FAM184B: variants seen among roughly 807,000 people sequenced by gnomAD.
FAM184B encodes family with sequence similarity 184 member B.
A neutral mutation model predicts 135.9 loss-of-function variants in FAM184B; 111 were observed. That is an observed-to-expected ratio of 0.82 (90% confidence interval 0.70 to 0.96). FAM184B has a LOEUF of 0.96. Ranked by LOEUF, FAM184B falls within the 40% of genes least tolerant of loss-of-function variation. The pLI, the probability that FAM184B is intolerant of heterozygous loss-of-function variation, is 0.00. For synonymous variants in FAM184B, 552 were observed against 524.8 expected (o/e 1.05, Z -0.71); for missense variants, 1,375 against 1,323.9 (o/e 1.04, Z -0.60).
At position 17,629,722 on chromosome 4, in the gene FAM184B, C is replaced by G. The variant is rs1470570696; in HGVS notation, c.*2810G>C. On this transcript the variant is annotated 3_prime_UTR_variant, in exon 18 of 18. Coordinates refer to ENST00000265018, the MANE Select transcript of FAM184B (RefSeq NM_015688.2). ...CACCTCTACGCCATCACTGTCATCT[C>G]TAGACCGCTCTGCTGTTGAGAGATT... 1.3e-5 allele frequency: 2 copies of G among 152,180 alleles called. No homozygotes were observed. Among genetic ancestry groups the G allele is most frequent in the South Asian group, 2.1e-4 (1 of 4,838 alleles). 9.4% of individuals were successfully genotyped at this position (152,180 alleles called of 1,614,324 possible). A position where few individuals can be genotyped will look rare whatever the true frequency, so the allele number is the denominator to read the frequency against.
At chr4:17,633,591 C>A in intron 17 of FAM184B, 98 bp downstream of exon 17, 1 of 1,150,344 alleles carries the variant, frequency 8.7e-7, no homozygotes, top group East Asian at 2.9e-5. Flanking sequence ...GAAAAAAGGC[C>A]TTCTGGAATT....
intron 7 of FAM184B, among the ~76,000 whole-genome samples, chr4:17,669,534 A>G (rs1716124391): frequency 6.6e-6 from 1 of 152,252 alleles, no homozygotes; most frequent in South Asian, 2.1e-4. Context: ...ATTTTGTTCA[A>G]TAGAAAGCAC....
chr4:17,659,898 T>G, intron 9 of FAM184B, 60 bp downstream of exon 9: 1 of 1,537,550 alleles, frequency 6.5e-7, no homozygotes, highest in Non-Finnish European at 8.8e-7. Context: ...TTTCCAAGTT[T>G]GTAAAAAGGA....
chr4:17,689,108 C>T (rs1485097076), intron 6 of FAM184B, among the ~76,000 whole-genome samples: 1 of 152,156 alleles, frequency 6.6e-6, no homozygotes, highest in South Asian at 2.1e-4. Flanking sequence ...TTTCTATACT[C>T]GATCTGTAGG....
At chr4:17,665,690 G>T (rs994448138) in intron 7 of FAM184B, among the ~76,000 whole-genome samples, 1 of 152,174 alleles carries the variant, frequency 6.6e-6, no homozygotes, top group African/African-American at 2.4e-5. Context: ...ATCCACCCTT[G>T]ATCTGGAACA....
At chr4:17,773,525 TCTC>T (rs970119235) in intron 1 of FAM184B, among the ~76,000 whole-genome samples, 23 of 152,190 alleles carry the variant, frequency 1.5e-4, no homozygotes, top group African/African-American at 5.5e-4. Context: ...GGTATCTGCT[TCTC>T]CTGTGTGTGG....
At position 17,633,727 on chromosome 4, in the gene FAM184B, G is replaced by A. The variant is rs1394873377; in HGVS notation, c.3051C>T (p.Tyr1017=). The part of the protein sequence containing the change: ...LDPSPSCGRT[Y]KPNQSTDAKT... ...TTGCATCTGTAGACTGGTTGGGTTT[G>A]TAGGTCCGGCCACAGCTGGGGCTTG... Residue 1017 remains tyrosine, a synonymous_variant, in exon 17 of 18, where the codon TAC becomes TAT. Coordinates refer to ENST00000265018, the MANE Select transcript of FAM184B (RefSeq NM_015688.2). 1.9e-6 allele frequency: 3 copies of A among 1,549,256 alleles called. No individual in the cohort carries two copies. Among genetic ancestry groups the A allele is most frequent in the Admixed American group, 3.9e-5 (2 of 50,686 alleles).
At chr4:17,670,406 A>G (rs1716142737) in intron 7 of FAM184B, among the ~76,000 whole-genome samples, 1 of 152,236 alleles carries the variant, frequency 6.6e-6, no homozygotes, top group Non-Finnish European at 1.5e-5. Context: ...TTAAAGCAAC[A>G]TGAATAATGG....
rs138165255 is a variant in FAM184B, at chr4:17,664,795, T to C, written c.1597-136A>G. On this transcript the variant is annotated intron_variant, in intron 7 of 17. Transcript: ENST00000265018. ...CCCCAGCAACCCACTATCGGTGCCC[T>C]GCTTGCAGGGGATGCCAAGGCTTGT... 341 of 658,702 alleles carry C rather than the reference T, an allele frequency of 5.2e-4. 1 individual carries two copies. Among genetic ancestry groups the C allele is most frequent in the African/African-American group, 5.0e-3 (277 of 54,944 alleles). 40.8% of individuals were successfully genotyped at this position (658,702 alleles called of 1,614,324 possible).
intron 7 of FAM184B, among the ~76,000 whole-genome samples, chr4:17,673,184 A>G (rs1220708952): frequency 1.3e-5 from 2 of 152,096 alleles, no homozygotes; most frequent in African/African-American, 4.8e-5. Context: ...AAAAGCTCAA[A>G]ATCACTAATT....
chr4:17,781,357 C>G lies in FAM184B; in HGVS notation c.-58G>C. The G allele has an allele frequency of 7.0e-7, 1 of 1,429,536 alleles. No individual in the cohort carries two copies. Among genetic ancestry groups the G allele is most frequent in the East Asian group, 2.9e-5 (1 of 34,914 alleles). 88.6% of individuals were successfully genotyped at this position (1,429,536 alleles called of 1,614,324 possible). A position where few individuals can be genotyped will look rare whatever the true frequency, so the allele number is the denominator to read the frequency against. On this transcript the variant is annotated 5_prime_UTR_variant, in exon 1 of 18. Transcript: ENST00000265018. This position sits in a 1 kb window ranked among gnomAD's most constrained non-coding sequence, Gnocchi z 6.5. ...GTTTTCTCCCTGCCCACCGTGTGCA[C>G]GTGCGTGCGCGCGCGGGCGTGCGAG... is the stretch of plus-strand genomic sequence containing the variant.
In FAM184B at chr4:17,705,053, C is replaced by G. The variant is rs983487469; in HGVS notation, c.1324G>C (p.Glu442Gln). The G allele has an allele frequency of 1.3e-6, 2 of 1,551,628 alleles. No homozygotes were observed. Among genetic ancestry groups the G allele is most frequent in the African/African-American group, 2.7e-5 (2 of 73,048 alleles). ...LEDLVKKHTV[E>Q]IKSVRSSVEA... ...ACGGACGAGCGAACGGATTTGATTT[C>G]CACGGTGTGCTTCTTTACCAAGTCT... The change falls in exon 5 of 18, where the codon GAA becomes CAA. Residue 442 changes from glutamate to glutamine, a missense_variant. Transcript: ENST00000265018.
At position 17,658,382 on chromosome 4, in the gene FAM184B, T is replaced by G; in HGVS notation, c.2005A>C (p.Met669Leu). The G allele has an allele frequency of 6.4e-7, 1 of 1,551,688 alleles. No homozygotes were observed. Among genetic ancestry groups the G allele is most frequent in the African/African-American group, 1.4e-5 (1 of 73,172 alleles). Residue 669 changes from methionine to leucine, a missense_variant, in exon 10 of 18, where the codon ATG becomes CTG. By Grantham distance (15) the Met-to-Leu change is conservative. Coordinates refer to ENST00000265018, the MANE Select transcript of FAM184B (RefSeq NM_015688.2). ...TCCTGATGTCTGGCCTTCTCCAGCA[T>G]GCGCAGGGCTCTCTGGTGGGAAGCC... is the stretch of plus-strand genomic sequence containing the variant. Reference protein sequence around the residue: ...LEASHQRALRMLEKARHQELK... With the variant: ...LEASHQRALRLLEKARHQELK...
chr4:17,653,124 G>T, intron 10 of FAM184B, 141 bp from the exon 11 acceptor site: 3 of 837,382 alleles, frequency 3.6e-6, no homozygotes, highest in Admixed American at 4.9e-5. Flanking sequence ...TACAGAGAAT[G>T]CTGTAGCAAT....
chr4:17,642,329 C>A, intron 12 of FAM184B, 101 bp from the exon 13 acceptor site: 1 of 1,377,640 alleles, frequency 7.3e-7, no homozygotes. Flanking sequence ...CCCACTGGCA[C>A]CCCGCCCAGG....
intron 12 of FAM184B, among the ~76,000 whole-genome samples, chr4:17,647,421 A>T (rs1239036336): frequency 6.6e-6 from 1 of 150,572 alleles, no homozygotes; most frequent in Non-Finnish European, 1.5e-5. Flanking sequence ...CTAATTTTCA[A>T]TTTTTTTTTG....
intron 1 of FAM184B, among the ~76,000 whole-genome samples, chr4:17,749,332 A>T (rs1718243394): frequency 6.6e-6 from 1 of 152,028 alleles, no homozygotes; most frequent in African/African-American, 2.4e-5. Context: ...CTATAATCCC[A>T]GCACTTTGGG....
intron 11 of FAM184B, among the ~76,000 whole-genome samples, chr4:17,651,213 A>G (rs1207532005): frequency 6.6e-6 from 1 of 152,172 alleles, no homozygotes; most frequent in South Asian, 2.1e-4. Flanking sequence ...AAAATGAGAG[A>G]GGTCTCCAGA....
At chr4:17,738,682 T>C (rs1023208199) in intron 1 of FAM184B, among the ~76,000 whole-genome samples, 13 of 152,072 alleles carry the variant, frequency 8.5e-5, no homozygotes, top group Non-Finnish European at 1.9e-4. Context: ...TGTGCTATAG[T>C]TTGGATGCTT....
Sources: gnomAD v4.1 joint callset for allele counts (sites outside exome capture counted in the v4.1 genomes callset) on GRCh38, gnomAD v4.1.1 for gene constraint, Gnocchi (gnomAD v3.1) non-coding constraint, MANE v1.5 for transcripts, NCBI Gene and HGNC (gene_info 2026-07-23, HGNC 2026-07-21) for gene names.